Variants in BNC2 observed in about 807,000 individuals in gnomAD.
BNC2 encodes the protein zinc finger protein basonuclin-2.
A neutral mutation model predicts 76.3 loss-of-function variants in BNC2; 20 were observed. The ratio of observed to expected loss-of-function variants is 0.26; its 90% CI spans 0.18 to 0.38. The LOEUF (loss-of-function observed/expected upper bound fraction) is 0.38. Among genes scored for constraint, BNC2 ranks in the 10% least tolerant of loss-of-function variants. The pLI is 1.00. For synonymous variants in BNC2, 582 were observed against 514.8 expected (o/e 1.13, Z -1.77); for missense variants, 1,382 against 1,399.8 (o/e 0.99, Z 0.20).
At chr9:16,495,405 T>C (rs1822366709) in intron 5 of BNC2, among the ~76,000 whole-genome samples, 1 of 152,230 alleles carries the variant, frequency 6.6e-6, no homozygotes. Flanking sequence ...ACTGTGGACT[T>C]AAGCAGATCA....
At chr9:16,465,064 TA>T (rs1489107577) in intron 5 of BNC2, among the ~76,000 whole-genome samples, 1 of 152,014 alleles carries the variant, frequency 6.6e-6, no homozygotes, top group Non-Finnish European at 1.5e-5. Context: ...TCCAGAAGAG[TA>T]GTCAACAGGC....
intron 3 of BNC2, among the ~76,000 whole-genome samples, chr9:16,716,277 C>T (rs763837341): frequency 1.3e-5 from 2 of 152,132 alleles, no homozygotes; most frequent in South Asian, 4.1e-4. Context: ...ATTATCACAG[C>T]AAATATTCAT....
At chr9:16,570,497 A>G (rs1228691157) in intron 4 of BNC2, among the ~76,000 whole-genome samples, 1 of 152,188 alleles carries the variant, frequency 6.6e-6, no homozygotes, top group African/African-American at 2.4e-5. Flanking sequence ...CTTAATGCAT[A>G]TATCAAGTAT....
At chr9:16,519,355 G>A (rs1308193444) in intron 5 of BNC2, among the ~76,000 whole-genome samples, 2 of 152,318 alleles carry the variant, frequency 1.3e-5, no homozygotes, top group Non-Finnish European at 2.9e-5. Context: ...AAATTCTAAC[G>A]TAAAGTCCCA....
chr9:16,769,590 C>G (rs1031456280), intron 1 of BNC2, among the ~76,000 whole-genome samples: 2 of 152,164 alleles, frequency 1.3e-5, no homozygotes, highest in Non-Finnish European at 2.9e-5. Flanking sequence ...TCAAAGGCCA[C>G]GGACCTGGGA....
intron 1 of BNC2, among the ~76,000 whole-genome samples, chr9:16,796,508 C>T (rs1185969069): frequency 6.7e-6 from 1 of 149,698 alleles, no homozygotes; most frequent in African/African-American, 2.5e-5. Context: ...GGAGGCGGAG[C>T]TTGCAGTAAG....
chr9:16,565,811 A>AC (rs1363357490), intron 4 of BNC2, among the ~76,000 whole-genome samples: 4 of 151,974 alleles, frequency 2.6e-5, no homozygotes, highest in African/African-American at 9.7e-5. Flanking sequence ...CATCTCAAAA[A>AC]AAAAAAAAGC....
At chr9:16,809,591 C>T (rs1451531609) in intron 1 of BNC2, among the ~76,000 whole-genome samples, 1 of 152,058 alleles carries the variant, frequency 6.6e-6, no homozygotes, top group Non-Finnish European at 1.5e-5. Context: ...TCAGGAGTCT[C>T]CTGAACCAAG....
intron 1 of BNC2, among the ~76,000 whole-genome samples, chr9:16,791,309 C>T (rs993899166): frequency 6.6e-6 from 1 of 152,142 alleles, no homozygotes; most frequent in African/African-American, 2.4e-5. Flanking sequence ...GATCCGCCTG[C>T]CTCGGCCTCC....
rs548204832 is a variant in BNC2, at chr9:16,684,085, T to G, written c.330+43712A>C. ...ATAGTATGTCAATGTACTCAATAGG[T>G]TTTTTTTTCCAGTTTTATTTTACAC... is the stretch of plus-strand genomic sequence containing the variant. On this transcript the variant is annotated intron_variant, in intron 3 of 6. Coordinates refer to ENST00000380672, the MANE Select transcript of BNC2 (RefSeq NM_017637.6). 4.0e-5 allele frequency among the ~76,000 whole-genome samples: 6 copies of G among 148,420 alleles called. No homozygotes were observed. The East Asian group carries it at 5.8e-4, about 14-fold the overall frequency.
At chr9:16,590,601 G>C (rs150238207) in intron 3 of BNC2, among the ~76,000 whole-genome samples, 194 of 152,158 alleles carry the variant, frequency 1.3e-3, no homozygotes, top group African/African-American at 4.4e-3. Flanking sequence ...CATAGCTTGA[G>C]CCAAAGACCA....
intron 3 of BNC2, chr9:16,665,057 G>A (rs1353704442): frequency 2.2e-6 from 1 of 456,200 alleles, no homozygotes. Flanking sequence ...TATAAATTAA[G>A]GAAGTACCTT....
chr9:16,523,523 C>T (rs189773942), intron 5 of BNC2, among the ~76,000 whole-genome samples: 282 of 150,240 alleles, frequency 1.9e-3, no homozygotes, highest in African/African-American at 6.3e-3. Flanking sequence ...CAGGTCCTAA[C>T]GCTGCCTTGA....
At chr9:16,772,488 G>A (rs1825857533) in intron 1 of BNC2, among the ~76,000 whole-genome samples, 1 of 152,012 alleles carries the variant, frequency 6.6e-6, no homozygotes, top group South Asian at 2.1e-4. Flanking sequence ...TCATATAGTA[G>A]TTATATGTAA....
rs540640006 is a variant in BNC2, at chr9:16,669,024, A to G, written c.330+58773T>C. ...CCCCCTCAAGACACACGATTTTCAT[A>G]TGAAAAAAATTGCTTTGGTGTATGA... On this transcript the variant is annotated intron_variant, in intron 3 of 6. Transcript: ENST00000380672. 3.3e-5 allele frequency among the ~76,000 whole-genome samples: 5 copies of G among 152,226 alleles called. No individual in the cohort carries two copies. The South Asian group carries it at 1.0e-3, about 32-fold the overall frequency.
intron 5 of BNC2, among the ~76,000 whole-genome samples, chr9:16,481,145 T>C (rs1728491185): frequency 6.6e-6 from 1 of 152,010 alleles, no homozygotes; most frequent in Non-Finnish European, 1.5e-5. Flanking sequence ...ATACTCTGTA[T>C]CTAACTAATC....
In BNC2 at chr9:16,481,127, T is replaced by C. The variant is rs558494931; in HGVS notation, c.670-43603A>G. Among the ~76,000 whole-genome samples the C allele has an allele frequency of 3.3e-5, 5 of 152,170 alleles. No individual in the cohort carries two copies. In the South Asian group the frequency reaches 1.0e-3, roughly 32 times the overall value. ...GCTCTGGTGGGGCCTTGGAGAACCT[T>C]TGTGTCCATACTCTGTATCTAACTA... On this transcript the variant is annotated intron_variant, in intron 5 of 6. Transcript: ENST00000380672.
In BNC2 at chr9:16,412,007, A is replaced by G. The variant is rs1820471749; in HGVS notation, c.*6982T>C. On this transcript the variant is annotated 3_prime_UTR_variant, in exon 7 of 7. Transcript: ENST00000380672. Reference sequence around the variant, plus strand: ...CATTTGAGTATTTCAATATACAAAAATAGCAGCCAATCTTTGGGCTCAGGG... The same window carrying G: ...CATTTGAGTATTTCAATATACAAAAGTAGCAGCCAATCTTTGGGCTCAGGG... 1 of 152,496 alleles carries G rather than the reference A, an allele frequency of 6.6e-6. No individual in the cohort carries two copies. Among genetic ancestry groups the G allele is most frequent in the African/African-American group, 2.4e-5 (1 of 41,480 alleles). The allele number at this position is 152,496 out of a possible 1,614,324, so 9.4% of individuals were successfully genotyped here. A position where few individuals can be genotyped will look rare whatever the true frequency, so the allele number is the denominator to read the frequency against.
chr9:16,658,274 C>T (rs1044912223), intron 3 of BNC2, among the ~76,000 whole-genome samples: 2 of 96,430 alleles, frequency 2.1e-5, no homozygotes, highest in African/African-American at 6.8e-5. Context: ...AATCTCAAAA[C>T]ATGGAAACAG....
Sources: allele counts gnomAD v4.1 joint callset (sites outside exome capture counted in the v4.1 genomes callset), GRCh38; gene constraint gnomAD v4.1.1; transcripts MANE v1.5; gene names NCBI Gene and HGNC (gene_info 2026-07-23, HGNC 2026-07-21).